GSDME: variants seen among roughly 807,000 people sequenced by gnomAD.
GSDME encodes gasdermin E.
A neutral mutation model predicts 47.5 loss-of-function variants in GSDME; 44 were observed. The ratio of observed to expected loss-of-function variants is 0.93; its 90% CI spans 0.73 to 1.19. The LOEUF is 1.19. Ranked by LOEUF, GSDME falls within the 50% of genes most tolerant of loss-of-function variation. The probability of loss-of-function intolerance (pLI) is 0.00; values close to 1 mark genes in which losing one functional copy is unlikely to be tolerated. For synonymous variants in GSDME, 258 were observed against 252.8 expected (o/e 1.02, Z -0.20); for missense variants, 663 against 604.2 (o/e 1.10, Z -1.02).
At chr7:24,752,737 G>T (rs948476983) in intron 1 of GSDME, among the ~76,000 whole-genome samples, 5 of 152,194 alleles carry the variant, frequency 3.3e-5, no homozygotes, top group Non-Finnish European at 7.3e-5. Flanking sequence ...CAGAACAACT[G>T]CTTTAGTTTA....
In GSDME at chr7:24,744,984, C is replaced by T. The variant is rs1287917370; in HGVS notation, c.212-230G>A. ...GGGCACACAGTGGACCAGTGCAGCA[C>T]GTGTGTGTGTGTGTGTGTGTGTGTG... On this transcript the variant is annotated intron_variant, in intron 2 of 9. Transcript: ENST00000645220. The surrounding 1 kb of genome is among the most constrained non-coding windows in gnomAD (Gnocchi z 4.5). Among the ~76,000 whole-genome samples the T allele has an allele frequency of 8.4e-6, 1 of 118,998 alleles. No individual in the cohort carries two copies. The highest frequency in any genetic ancestry group is 1.8e-5 in the Non-Finnish European group (1 of 56,312). The allele number at this position is 118,998 out of a possible 152,430, so 78.1% of individuals were successfully genotyped here.
At position 24,736,450 on chromosome 7, in the gene GSDME, G is replaced by A. The variant is rs571186411; in HGVS notation, c.404+8112C>T. ...AGAAGGTTACTATATAATGATAAAG[G>A]GGTCAATTCAGCAAGAGGATATAAC... is the stretch of plus-strand genomic sequence containing the variant. On this transcript the variant is annotated intron_variant, in intron 3 of 9. Transcript: ENST00000645220. This position sits in a 1 kb window ranked among gnomAD's most constrained non-coding sequence, Gnocchi z 4.6. Among the ~76,000 whole-genome samples, 5 of 152,062 alleles carry A rather than the reference G, an allele frequency of 3.3e-5. No homozygotes were observed. The highest frequency in any genetic ancestry group is 7.4e-5 in the Non-Finnish European group (5 of 67,994).
At chr7:24,741,686 G>A (rs2128061911) in intron 3 of GSDME, among the ~76,000 whole-genome samples, 1 of 152,282 alleles carries the variant, frequency 6.6e-6, no homozygotes, top group South Asian at 2.1e-4. Flanking sequence ...CCTCGGGAAT[G>A]TACAGTCCTT....
rs932675359 is a variant in GSDME, at chr7:24,716,990, C to T, written c.697+264G>A. The T allele has an allele frequency of 2.0e-5, 10 of 496,866 alleles. No homozygotes were observed. Among genetic ancestry groups the T allele is most frequent in the South Asian group, 1.8e-4 (9 of 49,658 alleles). The allele number at this position is 496,866 out of a possible 1,614,324, so 30.8% of individuals were successfully genotyped here. A position where few individuals can be genotyped will look rare whatever the true frequency, so the allele number is the denominator to read the frequency against. ...GATGCCCAGAGGACACAGCCCAGCC[C>T]TCTACTGTGCTGGTGGAACTTTGCC... On this transcript the variant is annotated intron_variant, in intron 5 of 9. Transcript: ENST00000645220. This position sits in a 1 kb window ranked among gnomAD's most constrained non-coding sequence, Gnocchi z 4.5.
the GSDME span, among the ~76,000 whole-genome samples, chr7:24,792,138 G>C: frequency 6.6e-6 from 1 of 152,188 alleles, no homozygotes; most frequent in Non-Finnish European, 1.5e-5. Context: ...ACATGCCAAC[G>C]GTATATTTGA....
chr7:24,773,208 T>C, the GSDME span, among the ~76,000 whole-genome samples: 13 of 152,246 alleles, frequency 8.5e-5, no homozygotes, highest in African/African-American at 3.1e-4. This position sits in a 1 kb window ranked among gnomAD's most constrained non-coding sequence, Gnocchi z 5.4. Flanking sequence ...TCAATTCCAT[T>C]AGGCACTTTA....
chr7:24,740,664 G>T (rs369665267), intron 3 of GSDME, among the ~76,000 whole-genome samples: 1 of 151,472 alleles, frequency 6.6e-6, no homozygotes, highest in Admixed American at 6.6e-5. Context: ...ATATATTTAC[G>T]TAAATATATG....
intron 3 of GSDME, among the ~76,000 whole-genome samples, chr7:24,734,411 A>T (rs558589479): frequency 2.6e-5 from 4 of 152,394 alleles, no homozygotes; most frequent in African/African-American, 9.6e-5. Context: ...GCATCAAGAC[A>T]ATCCAGGAAA....
intron 3 of GSDME, among the ~76,000 whole-genome samples, chr7:24,730,646 C>T (rs749101434): frequency 2.0e-5 from 3 of 152,084 alleles, no homozygotes; most frequent in African/African-American, 4.8e-5. Context: ...GAAACCCCGT[C>T]TCTACTAAAA....
intron 5 of GSDME, 42 bp downstream of exon 5, chr7:24,717,212 T>C (rs1157336493): frequency 1.9e-6 from 3 of 1,608,040 alleles, no homozygotes; most frequent in South Asian, 1.1e-5. Flanking sequence ...TGAGGGATCC[T>C]CTGCTGGGGA....
upstream of GSDME, among the ~76,000 whole-genome samples, chr7:24,761,567 T>A (rs1053722802): frequency 6.6e-6 from 1 of 152,206 alleles, no homozygotes; most frequent in Non-Finnish European, 1.5e-5. The surrounding 1 kb of genome is among the most constrained non-coding windows in gnomAD (Gnocchi z 4.4). Flanking sequence ...AACTATCACA[T>A]TGGTGATTAA....
chr7:24,720,843 G>T (rs1015654695), intron 3 of GSDME, among the ~76,000 whole-genome samples: 1 of 151,980 alleles, frequency 6.6e-6, no homozygotes, highest in African/African-American at 2.4e-5. Flanking sequence ...GGAGGCGGAG[G>T]TTGCGGTGAG....
chr7:24,777,258 A>G, the GSDME span, among the ~76,000 whole-genome samples: 10 of 152,222 alleles, frequency 6.6e-5, no homozygotes, highest in Non-Finnish European at 1.0e-4. Context: ...AATTGTCCAC[A>G]TAGGCGATCC....
intron 3 of GSDME, among the ~76,000 whole-genome samples, chr7:24,719,438 A>G (rs1402177266): frequency 6.6e-6 from 1 of 152,188 alleles, no homozygotes; most frequent in Non-Finnish European, 1.5e-5. Flanking sequence ...GCCAGGCTAG[A>G]TGCCAGAGGG....
chr7:24,775,026 G>A, the GSDME span, among the ~76,000 whole-genome samples: 1 of 152,174 alleles, frequency 6.6e-6, no homozygotes, highest in African/African-American at 2.4e-5. Context: ...TGCCATCTCT[G>A]TGGTTTCTTT....
rs1400567138 is a variant in GSDME, at chr7:24,716,669, G to T, written c.697+585C>A. 6.1e-6 allele frequency: 1 copy of T among 165,246 alleles called. No homozygotes were observed. Among genetic ancestry groups the T allele is most frequent in the Non-Finnish European group, 1.3e-5 (1 of 74,978 alleles). The allele number at this position is 165,246 out of a possible 1,614,324, so 10.2% of individuals were successfully genotyped here. On this transcript the variant is annotated intron_variant, in intron 5 of 9. Coordinates refer to ENST00000645220, the MANE Select transcript of GSDME (RefSeq NM_001127453.2). This position sits in a 1 kb window ranked among gnomAD's most constrained non-coding sequence, Gnocchi z 4.5. ...GCTTTGAACACACTCGTGATCAGCA[G>T]AGGAAAGTCAAGTTCAGCATGTCTG...
chr7:24,708,126 C>T lies in GSDME; in HGVS notation c.990+1G>A, dbSNP rs1185433748. Reference sequence around the variant, plus strand: ...CTGCCTTGAGATGTCTCAGGGCTCACCACTGGTTCCAGGACCATGAGTAGT... The same window carrying T: ...CTGCCTTGAGATGTCTCAGGGCTCATCACTGGTTCCAGGACCATGAGTAGT... On this transcript the variant is annotated splice_donor_variant, in intron 7 of 9. Coordinates refer to ENST00000645220, the MANE Select transcript of GSDME (RefSeq NM_001127453.2). LOFTEE classifies it high-confidence loss of function. The T allele has an allele frequency of 6.2e-7, 1 of 1,614,162 alleles. No homozygotes were observed. The highest frequency in any genetic ancestry group is 8.5e-7 in the Non-Finnish European group (1 of 1,180,024).
At chr7:24,758,850 T>G (rs961390815), upstream of GSDME, among the ~76,000 whole-genome samples, 2 of 152,210 alleles carry the variant, frequency 1.3e-5, no homozygotes, top group African/African-American at 4.8e-5. The surrounding 1 kb of genome is among the most constrained non-coding windows in gnomAD (Gnocchi z 4.6). Context: ...TCCTGTAAAA[T>G]GTCAGCAGCA....
At chr7:24,704,722 G>A in intron 8 of GSDME, 1 of 150,124 alleles carries the variant, frequency 6.7e-6, no homozygotes. Context: ...AGCTTGCAGA[G>A]ATTTTTTTTT....
Sources: allele counts gnomAD v4.1 joint callset (sites outside exome capture counted in the v4.1 genomes callset), GRCh38; gene constraint gnomAD v4.1.1; non-coding constraint Gnocchi (gnomAD v3.1); transcripts MANE v1.5; gene names NCBI Gene and HGNC (gene_info 2026-07-23, HGNC 2026-07-21).